TPRG1: variants seen among roughly 807,000 people sequenced by gnomAD.
TPRG1 encodes tumor protein p63-regulated gene 1 protein.
Under a neutral mutation model 29.3 loss-of-function variants are expected in TPRG1, and 29 were observed. That is an observed-to-expected ratio of 0.99 (90% CI 0.74 to 1.35). The LOEUF (loss-of-function observed/expected upper bound fraction) is 1.35. TPRG1 is among the 40% of genes most tolerant of loss of function. The pLI is 0.00. For missense variants in TPRG1, 327 were observed against 335.0 expected (o/e 0.98, Z 0.19); for synonymous variants, 130 against 116.8 (o/e 1.11, Z -0.73).
chr3:189,204,055 A>C (rs1733929630), intron 1 of TPRG1, among the ~76,000 whole-genome samples: 1 of 142,380 alleles, frequency 7.0e-6, no homozygotes, highest in Non-Finnish European at 1.6e-5. Context: ...AAAAAAAAAA[A>C]AAAAAAACTG....
chr3:189,277,319 C>T (rs1312181951), intron 4 of TPRG1, among the ~76,000 whole-genome samples: 1 of 152,100 alleles, frequency 6.6e-6, no homozygotes, highest in Non-Finnish European at 1.5e-5. Context: ...CACACAACAC[C>T]TCATACCATA....
intron 4 of TPRG1, among the ~76,000 whole-genome samples, chr3:189,044,830 G>A (rs1045051638): frequency 6.6e-6 from 1 of 152,158 alleles, no homozygotes; most frequent in Non-Finnish European, 1.5e-5. Flanking sequence ...TTTAGAGAAA[G>A]GGAATGATAT....
At chr3:189,246,328 T>C (rs1322234690) in intron 4 of TPRG1, among the ~76,000 whole-genome samples, 2 of 152,120 alleles carry the variant, frequency 1.3e-5, no homozygotes, top group Non-Finnish European at 2.9e-5. Context: ...AATTACCTAG[T>C]CTTGGGTATT....
chr3:189,239,663 G>A (rs942759101), intron 4 of TPRG1, among the ~76,000 whole-genome samples: 1 of 152,192 alleles, frequency 6.6e-6, no homozygotes, highest in African/African-American at 2.4e-5. Context: ...TTCCAAAGCG[G>A]TAGCTAAAAA....
chr3:189,018,099 T>C (rs990424019), intron 3 of TPRG1, among the ~76,000 whole-genome samples: 1 of 152,256 alleles, frequency 6.6e-6, no homozygotes, highest in Non-Finnish European at 1.5e-5. Context: ...CTCGTAAATT[T>C]GTTGAAGTTC....
At chr3:189,017,954 T>A (rs547303042) in intron 3 of TPRG1, among the ~76,000 whole-genome samples, 31 of 151,302 alleles carry the variant, frequency 2.0e-4, no homozygotes, top group African/African-American at 7.3e-4. Flanking sequence ...TCATTGTGGT[T>A]TTGATTTGCA....
At chr3:189,048,695 C>T (rs1715118695) in intron 4 of TPRG1, among the ~76,000 whole-genome samples, 1 of 152,162 alleles carries the variant, frequency 6.6e-6, no homozygotes, top group Non-Finnish European at 1.5e-5. Flanking sequence ...GAGGCTTGCA[C>T]TGTGAATTTT....
chr3:189,298,692 C>T (rs1010201180), intron 4 of TPRG1, among the ~76,000 whole-genome samples: 2 of 152,132 alleles, frequency 1.3e-5, no homozygotes, highest in African/African-American at 2.4e-5. Flanking sequence ...AGGGCCATAA[C>T]CTAGAGAGTG....
chr3:189,243,316 C>A (rs1355629177), intron 4 of TPRG1, among the ~76,000 whole-genome samples: 1 of 152,162 alleles, frequency 6.6e-6, no homozygotes, highest in Non-Finnish European at 1.5e-5. Context: ...GGATGATACC[C>A]ATTCCTGCTA....
chr3:189,067,654 T>A (rs767231757), intron 4 of TPRG1, among the ~76,000 whole-genome samples: 4 of 152,110 alleles, frequency 2.6e-5, no homozygotes, highest in Non-Finnish European at 4.4e-5. Flanking sequence ...TCTCTTCACA[T>A]ATGTAAAAAA....
intron 3 of TPRG1, 178 bp from the exon 4 acceptor site, chr3:189,238,555 T>C (rs1739931729): frequency 6.7e-6 from 3 of 450,350 alleles, no homozygotes; most frequent in Non-Finnish European, 1.2e-5. Flanking sequence ...CTTTCCTCCT[T>C]CTTTAGTCAT....
At chr3:189,209,439 CAG>C (rs1734918086) in intron 2 of TPRG1, among the ~76,000 whole-genome samples, 1 of 152,178 alleles carries the variant, frequency 6.6e-6, no homozygotes, top group Non-Finnish European at 1.5e-5. Context: ...GCTAAATTGA[CAG>C]AGTCCAAATC....
chr3:189,098,013 T>C (rs1315520698), upstream of TPRG1, among the ~76,000 whole-genome samples: 1 of 152,232 alleles, frequency 6.6e-6, no homozygotes, highest in African/African-American at 2.4e-5. Flanking sequence ...GATTTTCTAT[T>C]TGACTTCATT....
intron 4 of TPRG1, among the ~76,000 whole-genome samples, chr3:189,040,290 C>T (rs546222408): frequency 1.3e-5 from 2 of 152,216 alleles, no homozygotes; most frequent in East Asian, 1.9e-4. Flanking sequence ...AGGAAAACAG[C>T]GAAATATTGA....
chr3:189,024,228 C>T (rs894704315), intron 4 of TPRG1, among the ~76,000 whole-genome samples: 9 of 152,178 alleles, frequency 5.9e-5, no homozygotes, highest in Non-Finnish European at 1.3e-4. Flanking sequence ...AGAACCTTCC[C>T]CGTGAGGAGG....
At chr3:189,111,703 G>A (rs780589210) in intron 1 of TPRG1, among the ~76,000 whole-genome samples, 13 of 152,104 alleles carry the variant, frequency 8.5e-5, no homozygotes, top group African/African-American at 1.4e-4. Flanking sequence ...ATGATTGCCC[G>A]TGTATCCTCT....
rs1724543509 is a variant in TPRG1 at position 189,324,256 on chromosome 3, CACAGAAAATGAAGCAAAGGCCTAGAA to C, written c.*3439_*3464del. 6.6e-6 allele frequency: 1 copy of C among 152,070 alleles called. No homozygotes were observed. Among genetic ancestry groups the C allele is most frequent in the African/African-American group, 2.4e-5 (1 of 41,414 alleles). 9.4% of individuals were successfully genotyped at this position (152,070 alleles called of 1,614,324 possible). Reference sequence around the variant, plus strand: ...CCATGTCAATTCAGTGCTTTTATTTCACAGAAAATGAAGCAAAGGCCTAGAAACTAGAAAGACATTTCTCAAAAAGA... The same window carrying C: ...CCATGTCAATTCAGTGCTTTTATTTCACTAGAAAGACATTTCTCAAAAAGA... On this transcript the variant is annotated 3_prime_UTR_variant, in exon 6 of 6. Coordinates refer to ENST00000345063, the MANE Select transcript of TPRG1 (RefSeq NM_198485.4).
intron 2 of TPRG1, among the ~76,000 whole-genome samples, chr3:189,210,188 T>G (rs929008305): frequency 6.6e-6 from 1 of 152,182 alleles, no homozygotes; most frequent in Middle Eastern, 3.2e-3. Flanking sequence ...AAAGTATAGA[T>G]AAAACGCCAT....
intron 4 of TPRG1, among the ~76,000 whole-genome samples, chr3:189,037,821 G>C (rs181351149): frequency 6.6e-6 from 1 of 151,452 alleles, no homozygotes; most frequent in East Asian, 1.9e-4. Flanking sequence ...TATCCATCAA[G>C]TATAATATAC....
Sources: allele counts gnomAD v4.1 joint callset (sites outside exome capture counted in the v4.1 genomes callset), GRCh38; gene constraint gnomAD v4.1.1; transcripts MANE v1.5; gene names NCBI Gene and HGNC (gene_info 2026-07-23, HGNC 2026-07-21).